Variants in PDE3A observed in about 807,000 individuals in gnomAD.
PDE3A encodes the protein phosphodiesterase 3A.
A neutral mutation model predicts 98.3 loss-of-function variants in PDE3A; 43 were observed. The ratio of observed to expected loss-of-function variants is 0.44; its 90% CI spans 0.34 to 0.56. PDE3A has a LOEUF of 0.56. Ranked by LOEUF, PDE3A falls within the 20% of genes least tolerant of loss-of-function variation. The probability of loss-of-function intolerance (pLI) is 0.01; values close to 1 mark genes in which losing one functional copy is unlikely to be tolerated. For missense variants in PDE3A, 1,427 were observed against 1,440.7 expected (o/e 0.99, Z 0.15); for synonymous variants, 663 against 567.9 (o/e 1.17, Z -2.38).
In PDE3A at chr12:20,369,575, G is replaced by A; in HGVS notation, c.291G>A (p.Ala97=). The A allele has an allele frequency of 6.4e-7, 1 of 1,555,138 alleles. No homozygotes were observed. Among genetic ancestry groups the A allele is most frequent in the Non-Finnish European group, 8.7e-7 (1 of 1,150,978 alleles). ...CDLEQCKEAA[A]AEEEEAAPGA... is the part of the protein sequence containing the mutation. Reference sequence around the variant, plus strand: ...TGGAGCAGTGTAAGGAGGCGGCGGCGGCGGAGGAGGAGGAAGCAGCCCCGG... The same window carrying A: ...TGGAGCAGTGTAAGGAGGCGGCGGCAGCGGAGGAGGAGGAAGCAGCCCCGG... The change falls in exon 1 of 16, where the codon GCG becomes GCA. Residue 97 remains alanine (A), a synonymous_variant. Coordinates refer to ENST00000359062, the MANE Select transcript of PDE3A (RefSeq NM_000921.5).
In PDE3A at chr12:20,648,827, T is replaced by C. The variant is rs1442505157; in HGVS notation, c.2705T>C (p.Ile902Thr). ...TTTAAGCATTTCCGTTTCCTTGTCA[T>C]TGAAGCAATTTTGGCCACTGACCTG... Reference protein sequence around the residue: ...VEFKHFRFLVIEAILATDLKK... With the variant: ...VEFKHFRFLVTEAILATDLKK... The change falls in exon 13 of 16, where the codon ATT (isoleucine) becomes ACT (threonine). Residue 902 changes from isoleucine to threonine, a missense_variant. Around this residue, in one of 3 missense-constraint regions of PDE3A, gnomAD observed 273 missense variants for 420.3 expected, o/e 0.65. Coordinates refer to ENST00000359062, the MANE Select transcript of PDE3A (RefSeq NM_000921.5). 3 of 1,613,956 alleles carry C rather than the reference T, an allele frequency of 1.9e-6. No homozygotes were observed. Among genetic ancestry groups the C allele is most frequent in the African/African-American group, 1.3e-5 (1 of 74,938 alleles).
At chr12:20,407,256 T>C (rs894332873) in intron 1 of PDE3A, among the ~76,000 whole-genome samples, 1 of 152,234 alleles carries the variant, frequency 6.6e-6, no homozygotes, top group Non-Finnish European at 1.5e-5. Context: ...AATCTTGAGA[T>C]AATTTGCTTA....
chr12:20,590,972 T>C (rs1224346171), intron 2 of PDE3A, among the ~76,000 whole-genome samples: 1 of 152,208 alleles, frequency 6.6e-6, no homozygotes, highest in Non-Finnish European at 1.5e-5. Flanking sequence ...TGCAGAGCAC[T>C]TGTACCAGGC....
chr12:20,551,492 T>A (rs9737659), intron 1 of PDE3A: 1 of 781,192 alleles, frequency 1.3e-6, no homozygotes, highest in Admixed American at 2.7e-5. Context: ...CCGTTCTTAG[T>A]TGGTGGAGCG....
chr12:20,540,770 G>A (rs1941876278), intron 1 of PDE3A, among the ~76,000 whole-genome samples: 2 of 151,940 alleles, frequency 1.3e-5, no homozygotes. Context: ...ATTTCATTAG[G>A]AAAACTTTGG....
intron 5 of PDE3A, 58 bp from the exon 6 acceptor site, chr12:20,629,850 T>C: frequency 7.7e-7 from 1 of 1,298,814 alleles, no homozygotes; most frequent in Non-Finnish European, 1.1e-6. Flanking sequence ...AGTTCAACAG[T>C]TGCAATTTTG....
intron 4 of PDE3A, among the ~76,000 whole-genome samples, chr12:20,618,101 A>ACTAT (rs1272867988): frequency 2.6e-5 from 4 of 152,262 alleles, no homozygotes; most frequent in Middle Eastern, 3.4e-3. Context: ...TGCCTAATAT[A>ACTAT]CTATCTCATA....
chr12:20,476,483 C>T (rs527358826), intron 1 of PDE3A, among the ~76,000 whole-genome samples: 34 of 152,144 alleles, frequency 2.2e-4, no homozygotes, highest in Admixed American at 3.3e-4. Flanking sequence ...TTAAAGAAAC[C>T]GAATAACTGA....
chr12:20,491,253 A>G (rs1380738494), intron 1 of PDE3A, among the ~76,000 whole-genome samples: 3 of 152,196 alleles, frequency 2.0e-5, no homozygotes. Context: ...TATTGATGGC[A>G]TGGGATTGAG....
Position 20,680,425 on chromosome 12 carries a change from A to C in PDE3A, c.*154A>C. Reference sequence around the variant, plus strand: ...CTTCGCATTTTGTGTGTATATTTTTACAGTGAGGTACATTGTTAAAAACTT... The same window carrying C: ...CTTCGCATTTTGTGTGTATATTTTTCCAGTGAGGTACATTGTTAAAAACTT... On this transcript the variant is annotated 3_prime_UTR_variant, in exon 16 of 16. Transcript: ENST00000359062. 1 of 764,442 alleles carries C rather than the reference A, an allele frequency of 1.3e-6. No homozygotes were observed. Among genetic ancestry groups the C allele is most frequent in the Non-Finnish European group, 2.1e-6 (1 of 478,466 alleles). The allele number at this position is 764,442 out of a possible 1,614,324, so 47.4% of individuals were successfully genotyped here. A position where few individuals can be genotyped will look rare whatever the true frequency, so the allele number is the denominator to read the frequency against.
chr12:20,385,728 G>A (rs927504357), intron 1 of PDE3A, among the ~76,000 whole-genome samples: 1 of 149,412 alleles, frequency 6.7e-6, no homozygotes, highest in Non-Finnish European at 1.5e-5. Flanking sequence ...TCATAGGTGG[G>A]AATTGAACAA....
At chr12:20,595,928 A>G (rs749655701) in intron 2 of PDE3A, among the ~76,000 whole-genome samples, 1 of 152,214 alleles carries the variant, frequency 6.6e-6, no homozygotes, top group Non-Finnish European at 1.5e-5. Context: ...GGTTAAAGAC[A>G]AATTTAATAT....
intron 2 of PDE3A, among the ~76,000 whole-genome samples, chr12:20,599,629 G>A (rs1943541960): frequency 6.6e-6 from 1 of 152,056 alleles, no homozygotes; most frequent in Admixed American, 6.6e-5. Context: ...CATTGTGAAA[G>A]GTTACTCCTG....
At chr12:20,449,661 C>A in intron 1 of PDE3A, 1 of 434,778 alleles carries the variant, frequency 2.3e-6, no homozygotes, top group Non-Finnish European at 4.3e-6. Context: ...GCTTTTCCCC[C>A]TATTTCTCTG....
At position 20,653,835 on chromosome 12, in the gene PDE3A, G is replaced by C. The variant is rs568264865; in HGVS notation, c.2926-112G>C. The C allele has an allele frequency of 1.7e-4, 189 of 1,089,662 alleles. No homozygotes were observed. In the African/African-American group the frequency reaches 2.8e-3, roughly 16 times the overall value. The allele number at this position is 1,089,662 out of a possible 1,614,324, so 67.5% of individuals were successfully genotyped here. A position where few individuals can be genotyped will look rare whatever the true frequency, so the allele number is the denominator to read the frequency against. ...TATAGGAACCTTAGCACTTGAGGTA[G>C]GATCCTTTAGCTGTCAAGTAAAGAA... On this transcript the variant is annotated intron_variant, in intron 14 of 15. Transcript: ENST00000359062.
intron 1 of PDE3A, among the ~76,000 whole-genome samples, chr12:20,524,822 A>C (rs1197665499): frequency 6.6e-6 from 1 of 151,980 alleles, no homozygotes; most frequent in East Asian, 1.9e-4. Flanking sequence ...ACCTCTGTGC[A>C]CTACCCTCTT....
chr12:20,370,955 A>C (rs1348099168), intron 1 of PDE3A, among the ~76,000 whole-genome samples: 1 of 152,236 alleles, frequency 6.6e-6, no homozygotes, highest in East Asian at 1.9e-4. Context: ...AAAATTGTCA[A>C]CTGCGTTTTA....
Position 20,369,197 on chromosome 12 carries a change from G to T in PDE3A, c.-88G>T. 1 of 817,240 alleles carries T rather than the reference G, an allele frequency of 1.2e-6. No individual in the cohort carries two copies. Among genetic ancestry groups the T allele is most frequent in the Non-Finnish European group, 1.9e-6 (1 of 533,062 alleles). The allele number at this position is 817,240 out of a possible 1,614,324, so 50.6% of individuals were successfully genotyped here. On this transcript the variant is annotated 5_prime_UTR_variant, in exon 1 of 16. Transcript: ENST00000359062. Reference sequence around the variant, plus strand: ...TTGGGAAGAGCGTGCGTGCGTGTGTGTGTGTGTGTGTGTGCGCGCGCGCGC... The same window carrying T: ...TTGGGAAGAGCGTGCGTGCGTGTGTTTGTGTGTGTGTGTGCGCGCGCGCGC...
At chr12:20,372,959 C>G (rs922430223) in intron 1 of PDE3A, among the ~76,000 whole-genome samples, 1 of 152,066 alleles carries the variant, frequency 6.6e-6, no homozygotes, top group Non-Finnish European at 1.5e-5. Flanking sequence ...CAGTGACCCT[C>G]AGTTCCAAAA....
Sources: allele counts gnomAD v4.1 joint callset (sites outside exome capture counted in the v4.1 genomes callset), GRCh38; gene constraint gnomAD v4.1.1; regional missense constraint gnomAD v4.1.1; transcripts MANE v1.5; gene names NCBI Gene and HGNC (gene_info 2026-07-23, HGNC 2026-07-21).